The following ARHGAP44 variants were observed in gnomAD, a reference collection of about 807,000 sequenced individuals.
ARHGAP44 encodes Rho GTPase activating protein 44.
ARHGAP44 carries 43 observed loss-of-function variants against 106.8 expected under a neutral mutation model. That is an observed-to-expected ratio of 0.40 (90% CI 0.32 to 0.52). The LOEUF (loss-of-function observed/expected upper bound fraction) is 0.52, where lower values mean the gene tolerates loss of function less well. ARHGAP44 is among the 20% of genes least tolerant of loss of function. The pLI is 0.48. For synonymous variants in ARHGAP44, 439 were observed against 410.3 expected, an observed-to-expected ratio of 1.07 and a Z score of -0.85; for missense variants, 866 against 1,050.5, an observed-to-expected ratio of 0.82 and a Z score of 2.43.
At chr17:12,989,101 C>CAAAAAAAAAAAAAA (rs71144942) in intron 20 of ARHGAP44, among the ~76,000 whole-genome samples, 2 of 45,162 alleles carry the variant, frequency 4.4e-5, no homozygotes, top group African/African-American at 8.5e-5. Flanking sequence ...CCACCCCCCC[C>CAAAAAAAAAAAAAA]AAAAAAAAAA....
chr17:12,897,786 A>G (rs1035124582), intron 3 of ARHGAP44, among the ~76,000 whole-genome samples: 1 of 137,808 alleles, frequency 7.3e-6, no homozygotes, highest in African/African-American at 2.7e-5. Context: ...ATGTTTTGGT[A>G]TCGGGAGTAT....
chr17:12,949,336 C>T lies in ARHGAP44; in HGVS notation c.973+85C>T. The T allele has an allele frequency of 7.2e-7, 1 of 1,389,530 alleles. No homozygotes were observed. The highest frequency in any genetic ancestry group is 9.9e-7 in the Non-Finnish European group (1 of 1,014,400). The allele number at this position is 1,389,530 out of a possible 1,614,324, so 86.1% of individuals were successfully genotyped here. Reference sequence around the variant, plus strand: ...AGGCTGTGTGGCTACAAGTCCAGGACACTCAAGTCAGTGGCTGCCCAAAGC... The same window carrying T: ...AGGCTGTGTGGCTACAAGTCCAGGATACTCAAGTCAGTGGCTGCCCAAAGC... On this transcript the variant is annotated intron_variant, in intron 11 of 20. Coordinates refer to ENST00000379672, the MANE Select transcript of ARHGAP44 (RefSeq NM_014859.6). This position sits in a 1 kb window ranked among gnomAD's most constrained non-coding sequence, Gnocchi z 4.1.
intron 19 of ARHGAP44, among the ~76,000 whole-genome samples, chr17:12,983,604 A>G (rs1032842033): frequency 2.0e-5 from 3 of 152,182 alleles, no homozygotes; most frequent in Non-Finnish European, 4.4e-5. Flanking sequence ...TGGGAGTTCA[A>G]GACCAGCCTG....
At chr17:12,881,286 TA>T (rs948943956) in intron 1 of ARHGAP44, among the ~76,000 whole-genome samples, 22 of 152,268 alleles carry the variant, frequency 1.4e-4, no homozygotes, top group African/African-American at 5.1e-4. Context: ...TTAGGCGTTT[TA>T]ATATCTCACC....
intron 1 of ARHGAP44, among the ~76,000 whole-genome samples, chr17:12,883,427 CTTCTTAAATATT>C (rs1295542982): frequency 6.6e-6 from 1 of 151,156 alleles, no homozygotes; most frequent in African/African-American, 2.4e-5. Context: ...ATTCTGTTTA[CTTCTTAAATATT>C]TTCTTAAATA....
chr17:12,955,177 A>G (rs544589850), intron 13 of ARHGAP44, among the ~76,000 whole-genome samples: 1 of 152,310 alleles, frequency 6.6e-6, no homozygotes, highest in African/African-American at 2.4e-5. Context: ...ATGTTGCAGG[A>G]TGTCCCAACA....
intron 1 of ARHGAP44, among the ~76,000 whole-genome samples, chr17:12,791,097 C>T (rs1251848572): frequency 6.6e-6 from 1 of 152,142 alleles, no homozygotes; most frequent in Non-Finnish European, 1.5e-5. Context: ...GAGCATACTG[C>T]CCTAGTTACA....
intron 7 of ARHGAP44, among the ~76,000 whole-genome samples, chr17:12,935,393 G>A (rs890782691): frequency 1.3e-5 from 2 of 152,022 alleles, no homozygotes; most frequent in African/African-American, 4.8e-5. Flanking sequence ...GACCAACATG[G>A]TGAAATACTC....
At position 12,798,144 on chromosome 17, in the gene ARHGAP44, C is replaced by A. The variant is rs550552887; in HGVS notation, c.53+8253C>A. Among the ~76,000 whole-genome samples, 5 of 152,184 alleles carry A rather than the reference C, an allele frequency of 3.3e-5. No homozygotes were observed. In the East Asian group the frequency reaches 9.7e-4, roughly 29 times the overall value. ...TCCAGGGAGACAATTAGGTCTTCTG[C>A]AAATAATAATTTTGTATTTTCCTCT... On this transcript the variant is annotated intron_variant, in intron 1 of 20. Coordinates refer to ENST00000379672, the MANE Select transcript of ARHGAP44 (RefSeq NM_014859.6).
intron 1 of ARHGAP44, among the ~76,000 whole-genome samples, chr17:12,794,969 A>G (rs969118282): frequency 2.6e-5 from 4 of 151,976 alleles, no homozygotes; most frequent in African/African-American, 9.7e-5. Context: ...AGGCCTTCTA[A>G]GAGCCGTGAC....
At chr17:12,801,835 A>G (rs978981625) in intron 1 of ARHGAP44, among the ~76,000 whole-genome samples, 4 of 151,928 alleles carry the variant, frequency 2.6e-5, no homozygotes, top group Admixed American at 1.3e-4. Context: ...TCTGCTGCTT[A>G]TGCTTTTTTT....
intron 2 of ARHGAP44, 141 bp from the exon 3 acceptor site, chr17:12,896,266 A>T: frequency 1.5e-6 from 1 of 651,024 alleles, no homozygotes; most frequent in Non-Finnish European, 2.6e-6. Context: ...AATTTAAAAA[A>T]CAAACAAACA....
chr17:12,973,215 G>T, intron 16 of ARHGAP44, 87 bp from the exon 17 acceptor site: 1 of 1,381,734 alleles, frequency 7.2e-7, no homozygotes, highest in Non-Finnish European at 1.0e-6. Flanking sequence ...ACCATGGAGA[G>T]AGACCCCTTA....
intron 3 of ARHGAP44, among the ~76,000 whole-genome samples, chr17:12,903,601 A>G (rs1454063277): frequency 6.6e-6 from 1 of 152,156 alleles, no homozygotes; most frequent in Non-Finnish European, 1.5e-5. Flanking sequence ...AAAATTTTTA[A>G]TTAATTTATT....
intron 19 of ARHGAP44, among the ~76,000 whole-genome samples, chr17:12,983,569 C>A (rs2039884169): frequency 6.6e-6 from 1 of 152,166 alleles, no homozygotes; most frequent in Admixed American, 6.5e-5. Flanking sequence ...CTTTGGGAGG[C>A]CGAGGCGGGC....
chr17:12,825,446 T>TAG (rs529764166), intron 1 of ARHGAP44, among the ~76,000 whole-genome samples: 2 of 148,750 alleles, frequency 1.3e-5, no homozygotes, highest in Non-Finnish European at 2.9e-5. Context: ...GTGTGCATTA[T>TAG]AGAGAGAGAG....
intron 1 of ARHGAP44, among the ~76,000 whole-genome samples, chr17:12,807,474 C>T (rs1241747076): frequency 2.0e-5 from 3 of 152,162 alleles, no homozygotes; most frequent in African/African-American, 7.2e-5. Flanking sequence ...GCTGGGGAGG[C>T]CTCACAATCA....
intron 5 of ARHGAP44, among the ~76,000 whole-genome samples, 159 bp from the exon 6 acceptor site, chr17:12,919,596 G>T (rs1057433283): frequency 6.6e-6 from 1 of 152,140 alleles, no homozygotes; most frequent in African/African-American, 2.4e-5. Flanking sequence ...ATATTGGCCA[G>T]GCTGGTCTCG....
chr17:12,975,602 T>A (rs905456734), intron 18 of ARHGAP44, among the ~76,000 whole-genome samples: 2 of 151,582 alleles, frequency 1.3e-5, no homozygotes, highest in Non-Finnish European at 2.9e-5. Flanking sequence ...ATCGAGACCA[T>A]CCTGGCTAAC....
Sources: gnomAD v4.1 joint callset for allele counts (sites outside exome capture counted in the v4.1 genomes callset) on GRCh38, gnomAD v4.1.1 for gene constraint, Gnocchi (gnomAD v3.1) non-coding constraint, MANE v1.5 for transcripts, NCBI Gene and HGNC (gene_info 2026-07-23, HGNC 2026-07-21) for gene names.